The following GAB2 variants were observed in gnomAD, a reference collection of about 807,000 sequenced individuals.
GAB2 encodes the protein GRB2 associated binding protein 2.
In GAB2, 26 loss-of-function variants were observed where a neutral mutation model predicts 65.5. The ratio of observed to expected loss-of-function variants is 0.40; its 90% CI spans 0.29 to 0.55. The LOEUF (loss-of-function observed/expected upper bound fraction) is 0.55, where lower values mean the gene tolerates loss of function less well. Among genes scored for constraint, GAB2 ranks in the 20% least tolerant of loss-of-function variants. The pLI is 0.53. For missense variants in GAB2, 884 were observed against 875.8 expected (o/e 1.01, Z -0.12); for synonymous variants, 321 against 329.6 (o/e 0.97, Z 0.28).
At position 78,337,554 on chromosome 11, in the gene GAB2, G is replaced by A. The variant is rs2134686595; in HGVS notation, c.76-56653C>T. On this transcript the variant is annotated intron_variant, in intron 1 of 9. Transcript: ENST00000361507. ...GAGGCAGGGAAAAGAGAAAGAAGGTGGAAGTTGGAGAAAGAATGGTAGAGT... is the reference window on the plus strand; with the variant it reads ...GAGGCAGGGAAAAGAGAAAGAAGGTAGAAGTTGGAGAAAGAATGGTAGAGT... Among the ~76,000 whole-genome samples, 3 of 152,278 alleles carry A rather than the reference G, an allele frequency of 2.0e-5. No individual in the cohort carries two copies. The East Asian group carries it at 5.8e-4, about 29-fold the overall frequency.
intron 1 of GAB2, among the ~76,000 whole-genome samples, chr11:78,298,287 G>A (rs1866896571): frequency 6.6e-6 from 1 of 152,204 alleles, no homozygotes; most frequent in East Asian, 1.9e-4. Context: ...AGATACCGGA[G>A]AAGGAAGAAT....
intron 1 of GAB2, among the ~76,000 whole-genome samples, chr11:78,291,237 G>T (rs1029393052): frequency 6.7e-6 from 1 of 148,932 alleles, no homozygotes; most frequent in African/African-American, 2.5e-5. Flanking sequence ...CAGATCACGA[G>T]GTCAGGAGAT....
At chr11:78,228,276 G>T (rs1406763563) in intron 3 of GAB2, among the ~76,000 whole-genome samples, 1 of 152,216 alleles carries the variant, frequency 6.6e-6, no homozygotes, top group East Asian at 1.9e-4. Context: ...AGCAAGCAGG[G>T]ATTTAGGTCT....
chr11:78,331,131 C>T (rs112050029), intron 1 of GAB2, among the ~76,000 whole-genome samples: 2,416 of 151,922 alleles, frequency 0.016, 57 homozygotes, highest in African/African-American at 0.055. Context: ...GCCGAAATCG[C>T]GCCACTGCAC....
chr11:78,308,244 A>C (rs769263441), intron 1 of GAB2, among the ~76,000 whole-genome samples: 1 of 152,122 alleles, frequency 6.6e-6, no homozygotes, highest in African/African-American at 2.4e-5. Flanking sequence ...AAGAGTAGAA[A>C]GACAGTCTAG....
In GAB2 at chr11:78,308,193, T is replaced by C. The variant is rs115659609; in HGVS notation, c.76-27292A>G. On this transcript the variant is annotated intron_variant, in intron 1 of 9. Coordinates refer to ENST00000361507, the MANE Select transcript of GAB2 (RefSeq NM_080491.3). ...GTATAAATAATTATGAAAATGAGTC[T>C]ATTCTACTTTGAGGAGGGAGTCAAA... 8.7e-3 allele frequency among the ~76,000 whole-genome samples: 1,323 copies of C among 152,240 alleles called. 20 individuals carry two copies. Among genetic ancestry groups the C allele is most frequent in the African/African-American group, 0.03 (1,257 of 41,538 alleles).
rs1307501626 is a variant in GAB2 at position 78,317,495 on chromosome 11, G to A, written c.76-36594C>T. On this transcript the variant is annotated intron_variant, in intron 1 of 9. Transcript: ENST00000361507. ...TAATCGCTTGAACCTGGGAGGCGGA[G>A]GTTGCAGTGAGCTGAGATGGCGCCA... 2.0e-5 allele frequency among the ~76,000 whole-genome samples: 3 copies of A among 148,886 alleles called. No individual in the cohort carries two copies. The East Asian group carries it at 6.0e-4, about 30-fold the overall frequency.
At chr11:78,373,815 C>T (rs535830666) in intron 1 of GAB2, among the ~76,000 whole-genome samples, 2 of 152,260 alleles carry the variant, frequency 1.3e-5, no homozygotes, top group African/African-American at 2.4e-5. Context: ...CAGAAATCAC[C>T]TCTTTGTGTA....
At chr11:78,278,378 T>G (rs1866234757) in intron 2 of GAB2, among the ~76,000 whole-genome samples, 1 of 151,632 alleles carries the variant, frequency 6.6e-6, no homozygotes, top group Non-Finnish European at 1.5e-5. Flanking sequence ...TCTGCTTTTT[T>G]TTTTGTTTTT....
chr11:78,327,914 CTG>C (rs1167236760), intron 1 of GAB2, among the ~76,000 whole-genome samples: 1 of 152,154 alleles, frequency 6.6e-6, no homozygotes, highest in Non-Finnish European at 1.5e-5. Context: ...CCTCTATAAA[CTG>C]GCAAGTACAG....
At chr11:78,241,370 G>A (rs556845843) in intron 3 of GAB2, among the ~76,000 whole-genome samples, 2 of 152,180 alleles carry the variant, frequency 1.3e-5, no homozygotes, top group East Asian at 3.9e-4. Flanking sequence ...CCAGAAGCAT[G>A]GACACTTAAC....
At chr11:78,381,747 G>C (rs1732951973) in intron 1 of GAB2, among the ~76,000 whole-genome samples, 1 of 151,792 alleles carries the variant, frequency 6.6e-6, no homozygotes, top group African/African-American at 2.4e-5. Flanking sequence ...TATCATTTCA[G>C]AGCCTCCAAT....
chr11:78,246,535 G>T (rs1865302518), intron 3 of GAB2, among the ~76,000 whole-genome samples: 1 of 151,944 alleles, frequency 6.6e-6, no homozygotes, highest in Non-Finnish European at 1.5e-5. Context: ...GTCTCACTCA[G>T]TTGCCCAGGC....
At chr11:78,391,184 G>A (rs1591083196) in intron 1 of GAB2, among the ~76,000 whole-genome samples, 2 of 152,192 alleles carry the variant, frequency 1.3e-5, no homozygotes, top group African/African-American at 4.8e-5. Context: ...GGTCCCAGCT[G>A]TCCAGGAGGC....
chr11:78,408,811 C>T (rs1857088459), intron 1 of GAB2, among the ~76,000 whole-genome samples: 1 of 152,182 alleles, frequency 6.6e-6, no homozygotes, highest in South Asian at 2.1e-4. Context: ...CTCTCTTCCT[C>T]CTGCTCCAGC....
chr11:78,350,198 G>A (rs543609004), intron 1 of GAB2, among the ~76,000 whole-genome samples: 6 of 152,308 alleles, frequency 3.9e-5, no homozygotes, highest in Admixed American at 2.6e-4. Flanking sequence ...AGATCAAGGA[G>A]AACATGGCTT....
At chr11:78,303,786 T>C (rs1867097272) in intron 1 of GAB2, among the ~76,000 whole-genome samples, 1 of 152,190 alleles carries the variant, frequency 6.6e-6, no homozygotes, top group Non-Finnish European at 1.5e-5. Context: ...TGATTGAATT[T>C]ACTGAAGAAG....
At position 78,283,664 on chromosome 11, in the gene GAB2, A is replaced by G. The variant is rs149176771; in HGVS notation, c.76-2763T>C. On this transcript the variant is annotated intron_variant, in intron 1 of 9. Coordinates refer to ENST00000361507, the MANE Select transcript of GAB2 (RefSeq NM_080491.3). ...CAAAGACTTCAGTGCTGATAAATCA[A>G]CTCATGGGCCTTAACTTGATCTCTC... 2.7e-3 allele frequency among the ~76,000 whole-genome samples: 416 copies of G among 151,958 alleles called. 4 individuals are homozygous for G. Among genetic ancestry groups the G allele is most frequent in the African/African-American group, 7.7e-3 (317 of 41,402 alleles).
At chr11:78,289,445 A>G (rs1394687007) in intron 1 of GAB2, among the ~76,000 whole-genome samples, 1 of 152,234 alleles carries the variant, frequency 6.6e-6, no homozygotes, top group Non-Finnish European at 1.5e-5. Context: ...TCTAAGGTAC[A>G]TTTCATGAGA....
Sources: allele counts gnomAD v4.1 joint callset (sites outside exome capture counted in the v4.1 genomes callset), GRCh38; gene constraint gnomAD v4.1.1; transcripts MANE v1.5; gene names NCBI Gene and HGNC (gene_info 2026-07-23, HGNC 2026-07-21).